Variants in ATP10A observed in about 807,000 individuals in gnomAD.
The protein encoded by ATP10A is ATPase phospholipid transporting 10A (putative), also known as phospholipid-transporting ATPase VA.
In ATP10A, 111 loss-of-function variants were observed where a neutral mutation model predicts 147.8. That is an observed-to-expected ratio of 0.75 (90% CI 0.64 to 0.88). ATP10A has a LOEUF of 0.88. Ranked by LOEUF, ATP10A falls within the 40% of genes least tolerant of loss-of-function variation. The probability of loss-of-function intolerance (pLI) is 0.00; values close to 1 mark genes in which losing one functional copy is unlikely to be tolerated. For missense variants in ATP10A, 1,927 were observed against 1,959.0 expected, an observed-to-expected ratio of 0.98 and a Z score of 0.31; for synonymous variants, 875 against 841.6, an observed-to-expected ratio of 1.04 and a Z score of -0.69.
chr15:25,732,229 G>T (rs1166783620), intron 3 of ATP10A, among the ~76,000 whole-genome samples: 2 of 151,996 alleles, frequency 1.3e-5, no homozygotes, highest in African/African-American at 2.4e-5. Context: ...GCTAATATGA[G>T]AACATTTTCT....
intron 12 of ATP10A, among the ~76,000 whole-genome samples, chr15:25,702,805 T>C (rs1900748009): frequency 6.6e-6 from 1 of 151,800 alleles, no homozygotes; most frequent in Admixed American, 6.6e-5. Context: ...ATGGTTTCTG[T>C]CTTCCCCACT....
intron 4 of ATP10A, 32 bp from the exon 5 acceptor site, chr15:25,726,114 C>T: frequency 1.2e-6 from 2 of 1,606,742 alleles, no homozygotes; most frequent in Non-Finnish European, 1.7e-6. Context: ...CATGGCAAGT[C>T]AGAGACTGGA....
chr15:25,753,306 C>G (rs538125695), intron 2 of ATP10A, among the ~76,000 whole-genome samples: 47 of 152,256 alleles, frequency 3.1e-4, no homozygotes, highest in South Asian at 2.9e-3. Flanking sequence ...AGTATGATTG[C>G]TTTGCATTCC....
chr15:25,727,244 C>A lies in ATP10A; in HGVS notation c.763G>T (p.Ala255Ser), dbSNP rs1902637375. The A allele has an allele frequency of 6.2e-7, 1 of 1,614,054 alleles. No individual in the cohort carries two copies. The highest frequency in any genetic ancestry group is 8.5e-7 in the Non-Finnish European group (1 of 1,179,986). ...AGCAGGTTTTCTTTATACAGCCCGG[C>A]CTTTTTCCCGTTGTCATGTATGCTG... ...GCIIHDNGKK[A>S]GLYKENLLLR... Residue 255 changes from alanine (A) to serine (S), a missense_variant, in exon 4 of 21, where the codon GCC (alanine) becomes TCC (serine). Ala to Ser is a moderately conservative substitution (Grantham distance 99). Transcript: ENST00000555815.
intron 1 of ATP10A, among the ~76,000 whole-genome samples, chr15:25,839,557 C>G (rs1406626156): frequency 6.6e-6 from 1 of 152,204 alleles, no homozygotes; most frequent in Non-Finnish European, 1.5e-5. Context: ...GGCTCGTCCT[C>G]TCTCCCGCTC....
chr15:25,740,293 G>T (rs867420752), intron 2 of ATP10A, among the ~76,000 whole-genome samples: 1 of 152,174 alleles, frequency 6.6e-6, no homozygotes, highest in Non-Finnish European at 1.5e-5. Flanking sequence ...GGTTCATATT[G>T]CTTCAGCCAT....
chr15:25,793,518 AG>A (rs1890530074), intron 1 of ATP10A, among the ~76,000 whole-genome samples: 1 of 152,166 alleles, frequency 6.6e-6, no homozygotes, highest in Admixed American at 6.5e-5. Context: ...GATTATAAGT[AG>A]TTCTCTGTAA....
chr15:25,685,187 GGAAA>G (rs1899643148), intron 16 of ATP10A, among the ~76,000 whole-genome samples: 1 of 152,070 alleles, frequency 6.6e-6, no homozygotes, highest in African/African-American at 2.4e-5. Flanking sequence ...GCTTTTTATT[GGAAA>G]GAAAGGCCAC....
downstream of ATP10A, among the ~76,000 whole-genome samples, chr15:25,675,678 G>C (rs555793701): frequency 1.3e-5 from 2 of 152,322 alleles, no homozygotes; most frequent in East Asian, 3.9e-4. Context: ...GGCGGCGCTG[G>C]CTTACACCTG....
intron 2 of ATP10A, among the ~76,000 whole-genome samples, chr15:25,756,229 A>G (rs940632182): frequency 6.6e-6 from 1 of 152,226 alleles, no homozygotes; most frequent in Non-Finnish European, 1.5e-5. Flanking sequence ...CTGGCAAATG[A>G]AGAATCTTGT....
At chr15:25,843,421 C>T (rs1388079896) in intron 1 of ATP10A, among the ~76,000 whole-genome samples, 1 of 152,094 alleles carries the variant, frequency 6.6e-6, no homozygotes, top group Non-Finnish European at 1.5e-5. Context: ...ATCATAAATT[C>T]ACCAAGAATC....
chr15:25,830,364 A>G (rs11639321), intron 1 of ATP10A, among the ~76,000 whole-genome samples: 135,514 of 152,194 alleles, frequency 0.89, 61,932 homozygotes, highest in Non-Finnish European at 0.99. Flanking sequence ...CCCTGAAACT[A>G]GCGGCCAGCC....
chr15:25,824,009 A>G (rs4906785), intron 1 of ATP10A, among the ~76,000 whole-genome samples: 145,462 of 152,242 alleles, frequency 0.96, 69,862 homozygotes, highest in East Asian at 1. Context: ...CAGCATGCCT[A>G]CATGCCAGTT....
intron 1 of ATP10A, among the ~76,000 whole-genome samples, chr15:25,810,110 A>G (rs969489411): frequency 1.3e-5 from 2 of 152,112 alleles, no homozygotes; most frequent in Non-Finnish European, 2.9e-5. Flanking sequence ...GGGTTTCCAC[A>G]TCACTTCCTG....
At chr15:25,690,369 A>C (rs745981431) in intron 15 of ATP10A, among the ~76,000 whole-genome samples, 16 of 152,060 alleles carry the variant, frequency 1.1e-4, no homozygotes, top group Admixed American at 2.6e-4. Flanking sequence ...TCAGCCCCCT[A>C]AGTAGCTGGG....
intron 1 of ATP10A, among the ~76,000 whole-genome samples, chr15:25,828,508 C>T (rs771553767): frequency 1.3e-5 from 2 of 152,108 alleles, no homozygotes; most frequent in South Asian, 2.1e-4. Context: ...GACATACATA[C>T]GTGGACATTA....
At chr15:25,700,920 G>T (rs1009788382) in intron 13 of ATP10A, among the ~76,000 whole-genome samples, 1 of 149,116 alleles carries the variant, frequency 6.7e-6, no homozygotes, top group African/African-American at 2.5e-5. Flanking sequence ...CTTGGAGAAA[G>T]AGGTCACTTA....
At chr15:25,837,160 T>C (rs1461604280) in intron 1 of ATP10A, among the ~76,000 whole-genome samples, 1 of 152,158 alleles carries the variant, frequency 6.6e-6, no homozygotes, top group African/African-American at 2.4e-5. Flanking sequence ...ACTACCATAT[T>C]AGCTTCAGTC....
chr15:25,700,111 G>C (rs1900578840), intron 13 of ATP10A, among the ~76,000 whole-genome samples: 1 of 152,190 alleles, frequency 6.6e-6, no homozygotes, highest in East Asian at 1.9e-4. Flanking sequence ...TATTTGAATG[G>C]AAAATAAGCA....
Sources: gnomAD v4.1 joint callset for allele counts (sites outside exome capture counted in the v4.1 genomes callset) on GRCh38, gnomAD v4.1.1 for gene constraint, MANE v1.5 for transcripts, NCBI Gene and HGNC (gene_info 2026-07-23, HGNC 2026-07-21) for gene names.